The following CSNK2A2IP variants were observed in gnomAD, a reference collection of about 807,000 sequenced individuals.
The protein encoded by CSNK2A2IP is casein kinase II subunit alpha'-interacting protein.
the CSNK2A2IP span, among the ~76,000 whole-genome samples, chr3:88,354,230 A>G: frequency 6.6e-6 from 1 of 152,184 alleles, no homozygotes; most frequent in African/African-American, 2.4e-5. Flanking sequence ...AGCCTTAGGT[A>G]TTCTTTTATG....
chr3:88,452,139 C>T, the CSNK2A2IP span, among the ~76,000 whole-genome samples: 5 of 151,708 alleles, frequency 3.3e-5, no homozygotes, highest in Admixed American at 3.3e-4. Flanking sequence ...CCCCTTGCTC[C>T]TAATCTCCAA....
the CSNK2A2IP span, among the ~76,000 whole-genome samples, chr3:88,367,230 C>T: frequency 1.9e-4 from 29 of 152,040 alleles, no homozygotes; most frequent in Admixed American, 4.6e-4. Flanking sequence ...AAATAGAAAA[C>T]GAAATAAAAG....
At chr3:88,359,074 T>C in the CSNK2A2IP span, among the ~76,000 whole-genome samples, 1 of 151,754 alleles carries the variant, frequency 6.6e-6, no homozygotes, top group Non-Finnish European at 1.5e-5. Flanking sequence ...TATGCTTCCT[T>C]CTTTTCTATC....
the CSNK2A2IP span, among the ~76,000 whole-genome samples, chr3:88,456,603 G>C: frequency 6.8e-6 from 1 of 148,034 alleles, no homozygotes; most frequent in African/African-American, 2.5e-5. Flanking sequence ...TGGGCTTTAG[G>C]GTTTTCTATG....
the CSNK2A2IP span, among the ~76,000 whole-genome samples, chr3:88,454,292 T>G: frequency 6.6e-6 from 1 of 151,888 alleles, no homozygotes; most frequent in Non-Finnish European, 1.5e-5. Flanking sequence ...CCTATTGAAT[T>G]TTGAGAGTTT....
the CSNK2A2IP span, among the ~76,000 whole-genome samples, chr3:88,446,032 TTCTTTC>T: frequency 6.9e-4 from 4 of 5,808 alleles, 1 homozygote; most frequent in East Asian, 0.011. Flanking sequence ...TTTGTTTCTT[TTCTTTC>T]TTTCTTTCTT....
the CSNK2A2IP span, among the ~76,000 whole-genome samples, chr3:88,410,479 G>T: frequency 6.6e-6 from 1 of 151,974 alleles, no homozygotes; most frequent in Non-Finnish European, 1.5e-5. Context: ...AAGCTCTCCT[G>T]CCACGGAAGT....
At chr3:88,371,961 C>G in the CSNK2A2IP span, among the ~76,000 whole-genome samples, 1 of 151,678 alleles carries the variant, frequency 6.6e-6, no homozygotes, top group Admixed American at 6.6e-5. Context: ...CTATACCCAG[C>G]CAAGCTGTCT....
At chr3:88,416,395 T>A in the CSNK2A2IP span, among the ~76,000 whole-genome samples, 1 of 152,164 alleles carries the variant, frequency 6.6e-6, no homozygotes, top group Non-Finnish European at 1.5e-5. Context: ...ATTTTGCATC[T>A]TTTTACAGAG....
At chr3:88,463,415 C>G in the CSNK2A2IP span, among the ~76,000 whole-genome samples, 5 of 152,128 alleles carry the variant, frequency 3.3e-5, no homozygotes, top group Non-Finnish European at 4.4e-5. Context: ...TTTAGGCCAG[C>G]TACAAGGTTC....
At chr3:88,446,038 C>CTTTCT in the CSNK2A2IP span, among the ~76,000 whole-genome samples, 14 of 11,338 alleles carry the variant, frequency 1.2e-3, no homozygotes, top group African/African-American at 4.2e-3. Flanking sequence ...TCTTTTCTTT[C>CTTTCT]TTTCTTTCTT....
chr3:88,429,862 C>T, the CSNK2A2IP span, among the ~76,000 whole-genome samples: 2 of 152,088 alleles, frequency 1.3e-5, no homozygotes, highest in Admixed American at 1.3e-4. Flanking sequence ...ACGCCATTCT[C>T]CTGCCTCAGC....
chr3:88,365,140 G>A, the CSNK2A2IP span, among the ~76,000 whole-genome samples: 1 of 152,128 alleles, frequency 6.6e-6, no homozygotes, highest in Non-Finnish European at 1.5e-5. Flanking sequence ...TTGCCAACGA[G>A]TTTAAAATAG....
At chr3:88,414,219 A>G in the CSNK2A2IP span, among the ~76,000 whole-genome samples, 1 of 144,858 alleles carries the variant, frequency 6.9e-6, no homozygotes, top group Non-Finnish European at 1.5e-5. Flanking sequence ...ATAAATTTGT[A>G]TTAACATATC....
chr3:88,461,652 A>T, the CSNK2A2IP span, among the ~76,000 whole-genome samples: 2 of 152,272 alleles, frequency 1.3e-5, no homozygotes, highest in East Asian at 3.9e-4. Context: ...GTTTCTTGGT[A>T]TTTTATTTAA....
chr3:88,383,975 T>C, the CSNK2A2IP span, among the ~76,000 whole-genome samples: 1 of 152,144 alleles, frequency 6.6e-6, no homozygotes, highest in South Asian at 2.1e-4. Context: ...TTCTTATTCT[T>C]TAGTTCTGCT....
the CSNK2A2IP span, among the ~76,000 whole-genome samples, chr3:88,384,113 T>A: frequency 6.6e-6 from 1 of 152,106 alleles, no homozygotes; most frequent in African/African-American, 2.4e-5. Flanking sequence ...TTGTGTAGGA[T>A]CTACTTTGGA....
At chr3:88,395,637 A>G in the CSNK2A2IP span, among the ~76,000 whole-genome samples, 1 of 152,218 alleles carries the variant, frequency 6.6e-6, no homozygotes, top group Non-Finnish European at 1.5e-5. Context: ...ACATTTCTAC[A>G]AAGAAAAGCT....
the CSNK2A2IP span, among the ~76,000 whole-genome samples, chr3:88,339,156 C>T: frequency 2.6e-5 from 4 of 152,076 alleles, no homozygotes; most frequent in East Asian, 7.7e-4. Flanking sequence ...GATCTTATTT[C>T]TTCTATTGAC....
Sources: gnomAD v4.1 joint callset for allele counts (sites outside exome capture counted in the v4.1 genomes callset) on GRCh38, gnomAD v4.1.1 for gene constraint, MANE v1.5 for transcripts, NCBI Gene and HGNC (gene_info 2026-07-23, HGNC 2026-07-21) for gene names.